Variants in THSD4 observed in about 807,000 individuals in gnomAD.
The protein encoded by THSD4 is thrombospondin type 1 domain containing 4.
A neutral mutation model predicts 119.0 loss-of-function variants in THSD4; 69 were observed. That is an observed-to-expected ratio of 0.58 (90% confidence interval 0.48 to 0.71). The LOEUF (loss-of-function observed/expected upper bound fraction) is 0.71, where lower values mean the gene tolerates loss of function less well. Ranked by LOEUF, THSD4 falls within the 30% of genes least tolerant of loss-of-function variation. The probability of loss-of-function intolerance (pLI) is 0.00; values close to 1 mark genes in which losing one functional copy is unlikely to be tolerated. For synonymous variants in THSD4, 524 were observed against 540.4 expected, an observed-to-expected ratio of 0.97 and a Z score of 0.42; for missense variants, 1,393 against 1,391.1, an observed-to-expected ratio of 1.00 and a Z score of -0.02.
At chr15:71,482,928 C>T (rs1397485113) in intron 7 of THSD4, among the ~76,000 whole-genome samples, 2 of 152,266 alleles carry the variant, frequency 1.3e-5, no homozygotes, top group South Asian at 2.1e-4. Flanking sequence ...TTTCTCATAA[C>T]TGCCACCCTC....
intron 7 of THSD4, among the ~76,000 whole-genome samples, chr15:71,634,611 A>G (rs1428911265): frequency 1.3e-5 from 2 of 152,220 alleles, no homozygotes; most frequent in Admixed American, 6.5e-5. Flanking sequence ...ATTTGAACAG[A>G]GAGCAGTGGC....
intron 7 of THSD4, among the ~76,000 whole-genome samples, chr15:71,651,729 A>G (rs2051094285): frequency 6.6e-6 from 1 of 152,160 alleles, no homozygotes; most frequent in Non-Finnish European, 1.5e-5. Context: ...ACATAAGAGC[A>G]CAGTAAATAT....
At chr15:71,516,580 T>C (rs1406663587) in intron 7 of THSD4, among the ~76,000 whole-genome samples, 1 of 152,274 alleles carries the variant, frequency 6.6e-6, no homozygotes, top group Non-Finnish European at 1.5e-5. Flanking sequence ...TCCCAGACTT[T>C]AATTTTTAAA....
intron 7 of THSD4, among the ~76,000 whole-genome samples, chr15:71,440,982 C>T (rs1404430466): frequency 6.6e-6 from 1 of 152,114 alleles, no homozygotes; most frequent in Non-Finnish European, 1.5e-5. Flanking sequence ...TTCTTTGGCT[C>T]TTCTCAGACC....
chr15:71,454,650 T>C (rs1035791832), intron 7 of THSD4, among the ~76,000 whole-genome samples: 1 of 152,158 alleles, frequency 6.6e-6, no homozygotes, highest in Non-Finnish European at 1.5e-5. Context: ...AAAGAAAAAA[T>C]GTCCCAGGAA....
intron 7 of THSD4, among the ~76,000 whole-genome samples, chr15:71,610,487 A>T (rs900821384): frequency 6.6e-6 from 1 of 152,132 alleles, no homozygotes; most frequent in Non-Finnish European, 1.5e-5. Context: ...TGGCAACAGG[A>T]TGGAACTTAA....
At chr15:71,145,539 G>A (rs994036467) in intron 2 of THSD4, among the ~76,000 whole-genome samples, 3 of 151,844 alleles carry the variant, frequency 2.0e-5, no homozygotes, top group African/African-American at 7.2e-5. Context: ...GTCAGCTACT[G>A]CACTTAGAAA....
At chr15:71,161,644 G>A (rs1003842208) in intron 3 of THSD4, among the ~76,000 whole-genome samples, 1 of 151,628 alleles carries the variant, frequency 6.6e-6, no homozygotes, top group Non-Finnish European at 1.5e-5. Context: ...TAATGGCGAG[G>A]TGAGTTTCTT....
chr15:71,753,825 G>A (rs1002179291), intron 14 of THSD4, among the ~76,000 whole-genome samples: 3 of 152,170 alleles, frequency 2.0e-5, no homozygotes, highest in Non-Finnish European at 4.4e-5. Context: ...TTCACTGAAG[G>A]TGTTGTAATA....
intron 7 of THSD4, among the ~76,000 whole-genome samples, chr15:71,594,920 T>G (rs1229177210): frequency 2.0e-5 from 3 of 152,084 alleles, no homozygotes; most frequent in South Asian, 2.1e-4. Context: ...TGGGGAAGGC[T>G]TCTCTGAAGA....
At chr15:71,171,631 A>G (rs901070867) in intron 3 of THSD4, among the ~76,000 whole-genome samples, 1 of 152,200 alleles carries the variant, frequency 6.6e-6, no homozygotes, top group Admixed American at 6.5e-5. Flanking sequence ...GTTTCTCCTA[A>G]ATTAAGCATC....
At chr15:71,621,809 T>C (rs1213701018) in intron 7 of THSD4, among the ~76,000 whole-genome samples, 1 of 152,208 alleles carries the variant, frequency 6.6e-6, no homozygotes, top group African/African-American at 2.4e-5. Context: ...CCATGTTAAG[T>C]CTCAGTAATA....
intron 8 of THSD4, among the ~76,000 whole-genome samples, chr15:71,690,285 A>C (rs1199274175): frequency 1.3e-5 from 2 of 152,188 alleles, no homozygotes; most frequent in Non-Finnish European, 2.9e-5. Flanking sequence ...TTTCTTCGGA[A>C]TCACAAAAGC....
intron 6 of THSD4, among the ~76,000 whole-genome samples, chr15:71,267,215 G>T (rs2044474660): frequency 6.6e-6 from 1 of 152,230 alleles, no homozygotes; most frequent in East Asian, 1.9e-4. Flanking sequence ...GCTAGAGAAA[G>T]GTCGGGTTAC....
chr15:71,498,711 C>A (rs1178226527), intron 7 of THSD4, among the ~76,000 whole-genome samples: 1 of 151,918 alleles, frequency 6.6e-6, no homozygotes, highest in Non-Finnish European at 1.5e-5. Flanking sequence ...TTTTGTTTTT[C>A]CTGAAACAGT....
At chr15:71,712,652 C>A (rs897875484) in intron 8 of THSD4, among the ~76,000 whole-genome samples, 1 of 152,216 alleles carries the variant, frequency 6.6e-6, no homozygotes, top group East Asian at 1.9e-4. Flanking sequence ...ATTGATAAGC[C>A]TCTATTCACA....
chr15:71,111,922 T>C (rs1567128313), upstream of THSD4: 1 of 585,932 alleles, frequency 1.7e-6, no homozygotes, highest in Non-Finnish European at 3.0e-6. Flanking sequence ...GTCAAATACA[T>C]TTGGGACACT....
At chr15:71,162,646 C>T (rs1215368697) in intron 3 of THSD4, among the ~76,000 whole-genome samples, 1 of 152,004 alleles carries the variant, frequency 6.6e-6, no homozygotes, top group Non-Finnish European at 1.5e-5. Context: ...GACCTTTGAC[C>T]TTCCTGAATG....
At chr15:71,593,901 C>T (rs1015156666) in intron 7 of THSD4, among the ~76,000 whole-genome samples, 4 of 136,500 alleles carry the variant, frequency 2.9e-5, no homozygotes, top group African/African-American at 1.1e-4. Flanking sequence ...AAGATCCTGA[C>T]ACCCCTTCCC....
Sources: allele counts gnomAD v4.1 joint callset (sites outside exome capture counted in the v4.1 genomes callset), GRCh38; gene constraint gnomAD v4.1.1; transcripts MANE v1.5; gene names NCBI Gene and HGNC (gene_info 2026-07-23, HGNC 2026-07-21).